The following GMDS variants were observed in gnomAD, a reference collection of about 807,000 sequenced individuals.
GMDS encodes the protein GDP-mannose 4,6 dehydratase.
GMDS carries 20 observed loss-of-function variants against 49.9 expected under a neutral mutation model. The observed-to-expected ratio is 0.40, with a 90% CI of 0.28 to 0.58. GMDS has a LOEUF of 0.58. Among genes scored for constraint, GMDS ranks in the 20% least tolerant of loss-of-function variants. The pLI is 0.42. For synonymous variants in GMDS, 177 were observed against 178.6 expected, an observed-to-expected ratio of 0.99 and a Z score of 0.07; for missense variants, 362 against 481.4, an observed-to-expected ratio of 0.75 and a Z score of 2.32.
chr6:1,949,049 G>T (rs1429491919), intron 6 of GMDS: 2 of 975,032 alleles, frequency 2.1e-6, no homozygotes, highest in East Asian at 1.1e-4. Flanking sequence ...CCTCCAACAG[G>T]GTCTTTCACT....
chr6:2,018,594 G>A (rs1377037895), intron 4 of GMDS, among the ~76,000 whole-genome samples: 6 of 152,018 alleles, frequency 3.9e-5, no homozygotes, highest in Non-Finnish European at 5.9e-5. Flanking sequence ...ATCATAATAC[G>A]TGGTGGTTTT....
intron 7 of GMDS, among the ~76,000 whole-genome samples, chr6:1,800,578 A>G (rs565579573): frequency 2.9e-4 from 44 of 151,720 alleles, no homozygotes; most frequent in Non-Finnish European, 5.3e-4. Context: ...GTGGGACTAC[A>G]GGAATGAGCC....
intron 4 of GMDS, among the ~76,000 whole-genome samples, chr6:2,077,064 A>G (rs1293501098): frequency 6.6e-6 from 1 of 152,066 alleles, no homozygotes; most frequent in Non-Finnish European, 1.5e-5. Flanking sequence ...TGTAAATAGA[A>G]TTGCCTTCTT....
intron 7 of GMDS, among the ~76,000 whole-genome samples, chr6:1,790,621 G>A (rs1015798854): frequency 6.6e-6 from 1 of 152,176 alleles, no homozygotes. Flanking sequence ...TTTCTATAGC[G>A]GTTATATATA....
intron 4 of GMDS, among the ~76,000 whole-genome samples, chr6:2,108,834 C>T (rs114169463): frequency 3.9e-5 from 6 of 152,196 alleles, no homozygotes; most frequent in East Asian, 1.9e-4. Context: ...GCTTATGAAC[C>T]GCACGTCCAG....
intron 4 of GMDS, among the ~76,000 whole-genome samples, chr6:2,052,768 T>C (rs1157256037): frequency 6.6e-6 from 1 of 152,162 alleles, no homozygotes. Flanking sequence ...TCTAATACCA[T>C]CATGGGGAAA....
At chr6:2,000,812 C>A (rs986884729) in intron 4 of GMDS, among the ~76,000 whole-genome samples, 4 of 152,234 alleles carry the variant, frequency 2.6e-5, no homozygotes, top group African/African-American at 9.6e-5. Context: ...TAGGCATACA[C>A]CACCATGCCC....
At chr6:2,208,469 C>T (rs993984700) in intron 1 of GMDS, among the ~76,000 whole-genome samples, 2 of 152,134 alleles carry the variant, frequency 1.3e-5, no homozygotes, top group African/African-American at 4.8e-5. Flanking sequence ...TTTCTGATCG[C>T]CAGTCCATAC....
chr6:2,052,204 T>C (rs1481582269), intron 4 of GMDS, among the ~76,000 whole-genome samples: 1 of 152,006 alleles, frequency 6.6e-6, no homozygotes, highest in Admixed American at 6.6e-5. Flanking sequence ...CTTCACCTTT[T>C]AGTTCAGTCA....
intron 7 of GMDS, among the ~76,000 whole-genome samples, chr6:1,827,281 A>ATGTATATACACACATGTTTTGGAAAACC: frequency 6.6e-6 from 1 of 151,992 alleles, no homozygotes; most frequent in Non-Finnish European, 1.5e-5. Flanking sequence ...TTTGGAAAAC[A>ATGTATATACACACATGTTTTGGAAAACC]TGTATATACA....
chr6:2,130,503 A>C (rs1775677615), intron 1 of GMDS, among the ~76,000 whole-genome samples: 1 of 152,256 alleles, frequency 6.6e-6, no homozygotes, highest in South Asian at 2.1e-4. Context: ...ATAGCCTCGC[A>C]AACAGGTGCT....
chr6:2,151,778 A>T (rs540380716), intron 1 of GMDS, among the ~76,000 whole-genome samples: 2 of 152,226 alleles, frequency 1.3e-5, no homozygotes, highest in South Asian at 2.1e-4. Flanking sequence ...GTGTACTGTA[A>T]ATTTTTCTTT....
At chr6:1,809,187 T>C (rs1421548748) in intron 7 of GMDS, among the ~76,000 whole-genome samples, 1 of 152,210 alleles carries the variant, frequency 6.6e-6, no homozygotes, top group Non-Finnish European at 1.5e-5. Flanking sequence ...CTACTCAAAG[T>C]TGATGACTTC....
chr6:1,927,480 C>T (rs1484180129), intron 7 of GMDS, among the ~76,000 whole-genome samples: 7 of 152,216 alleles, frequency 4.6e-5, no homozygotes, highest in Admixed American at 2.0e-4. Context: ...GTAATGACAC[C>T]GCCTTGTCAA....
chr6:1,895,932 T>C (rs1321484906), intron 7 of GMDS, among the ~76,000 whole-genome samples: 2 of 152,248 alleles, frequency 1.3e-5, no homozygotes, highest in East Asian at 3.9e-4. Context: ...TACTCAACTA[T>C]TACTTACCGA....
intron 8 of GMDS, among the ~76,000 whole-genome samples, chr6:1,737,741 TACAC>T (rs1225995187): frequency 1.3e-5 from 1 of 78,092 alleles, no homozygotes; most frequent in South Asian, 4.2e-4. Flanking sequence ...CACACACACA[TACAC>T]ATACACATAC....
intron 9 of GMDS, among the ~76,000 whole-genome samples, chr6:1,646,459 C>T (rs1763488036): frequency 6.6e-6 from 1 of 152,226 alleles, no homozygotes; most frequent in Non-Finnish European, 1.5e-5. Context: ...GGCTCTGTCA[C>T]CTAGGCTGGA....
intron 7 of GMDS, among the ~76,000 whole-genome samples, chr6:1,819,866 C>T (rs2113700907): frequency 6.7e-6 from 1 of 149,446 alleles, no homozygotes; most frequent in African/African-American, 2.5e-5. Context: ...TAATGTTTGT[C>T]TCCTTGCTTC....
intron 6 of GMDS, among the ~76,000 whole-genome samples, chr6:1,953,351 CA>C (rs1260476247): frequency 6.6e-6 from 1 of 152,158 alleles, no homozygotes; most frequent in Non-Finnish European, 1.5e-5. Context: ...ATGTGTGTTT[CA>C]CCCTTTATTC....
Sources: allele counts gnomAD v4.1 joint callset (sites outside exome capture counted in the v4.1 genomes callset), GRCh38; gene constraint gnomAD v4.1.1; transcripts MANE v1.5; gene names NCBI Gene and HGNC (gene_info 2026-07-23, HGNC 2026-07-21).